OPHN1: variants seen among roughly 807,000 people sequenced by gnomAD.
The protein encoded by OPHN1 is oligophrenin 1.
In OPHN1, 11 loss-of-function variants were observed where a neutral mutation model predicts 60.7. The observed-to-expected ratio is 0.18, with a 90% CI of 0.11 to 0.30. The LOEUF is 0.30. Among genes scored for constraint, OPHN1 ranks in the 10% least tolerant of loss-of-function variants. The pLI is 1.00. For synonymous variants in OPHN1, 226 were observed against 222.6 expected (o/e 1.02, Z -0.14); for missense variants, 449 against 611.0 (o/e 0.73, Z 2.80).
intron 6 of OPHN1, among the ~76,000 whole-genome samples, chrX:68,228,259 A>G (rs199803019): frequency 2.1e-5 from 2 of 95,508 alleles, no homozygotes; most frequent in African/African-American, 3.6e-5. Context: ...AATTGAGGCA[A>G]TAATTAATAG....
intron 3 of OPHN1, among the ~76,000 whole-genome samples, chrX:68,283,815 A>T (rs1298666254): frequency 8.9e-6 from 1 of 112,280 alleles, no homozygotes; most frequent in African/African-American, 3.2e-5. Context: ...TAATATTTTT[A>T]ATCAAAAATT....
intron 6 of OPHN1, among the ~76,000 whole-genome samples, chrX:68,229,943 C>T (rs1469982718): frequency 8.9e-6 from 1 of 111,880 alleles, no homozygotes; most frequent in Non-Finnish European, 1.9e-5. Context: ...AGCTTCTGCA[C>T]AGCAAAAGAA....
intron 2 of OPHN1, among the ~76,000 whole-genome samples, chrX:68,378,111 A>T (rs2078571133): frequency 9.0e-6 from 1 of 111,697 alleles, no homozygotes; most frequent in Non-Finnish European, 1.9e-5. Context: ...TGACTTTTTA[A>T]TGATTGCCAT....
intron 5 of OPHN1, among the ~76,000 whole-genome samples, chrX:68,241,228 T>C (rs772960960): frequency 9.8e-5 from 11 of 111,962 alleles, no homozygotes; most frequent in African/African-American, 3.6e-4. Flanking sequence ...ACTTATTGTA[T>C]TGTTAAGATT....
intron 2 of OPHN1, among the ~76,000 whole-genome samples, chrX:68,362,567 T>C (rs1290597794): frequency 9.0e-6 from 1 of 111,376 alleles, no homozygotes; most frequent in African/African-American, 3.3e-5. Flanking sequence ...ATTAGCTTGA[T>C]TTAGCCGTTC....
At chrX:68,216,189 G>A (rs1221431223) in intron 6 of OPHN1, among the ~76,000 whole-genome samples, 2 of 111,206 alleles carry the variant, frequency 1.8e-5, no homozygotes, top group African/African-American at 6.5e-5. Context: ...AACCACAAAT[G>A]CATATTGCAA....
At chrX:68,220,155 C>A (rs1319039185) in intron 6 of OPHN1, among the ~76,000 whole-genome samples, 170 of 106,233 alleles carry the variant, frequency 1.6e-3, no homozygotes, top group Admixed American at 1.8e-3. Context: ...ACAAACACCT[C>A]TACGCAAATA....
chrX:68,318,632 G>A (rs2078220708), intron 2 of OPHN1, among the ~76,000 whole-genome samples: 3 of 111,735 alleles, frequency 2.7e-5, no homozygotes. Flanking sequence ...ATAATAGTAT[G>A]GTACATGTGT....
At chrX:68,313,227 T>G (rs1968216617) in intron 2 of OPHN1, among the ~76,000 whole-genome samples, 1 of 112,039 alleles carries the variant, frequency 8.9e-6, no homozygotes, top group East Asian at 2.8e-4. Flanking sequence ...GGTGGGAATG[T>G]AAATTAGTAC....
chrX:68,406,776 C>T (rs760476390), intron 2 of OPHN1, among the ~76,000 whole-genome samples: 18 of 112,391 alleles, frequency 1.6e-4, no homozygotes, highest in African/African-American at 5.8e-4. Flanking sequence ...TAATCAGAGA[C>T]AGAATAAGAC....
intron 10 of OPHN1, among the ~76,000 whole-genome samples, chrX:68,202,763 G>T (rs1369868951): frequency 9.1e-6 from 1 of 110,036 alleles, no homozygotes; most frequent in African/African-American, 3.3e-5. Flanking sequence ...CCAAAGTGCT[G>T]GGATTACAGG....
At chrX:68,111,755 G>T (rs1029490421) in intron 18 of OPHN1, 99 bp downstream of exon 18, 3 of 599,799 alleles carry the variant, frequency 5.0e-6, no homozygotes, top group Non-Finnish European at 8.6e-6. Context: ...GCACTTAAGG[G>T]CTGGGGCTGA....
intron 2 of OPHN1, among the ~76,000 whole-genome samples, chrX:68,311,256 A>T (rs1437652422): frequency 1.8e-5 from 2 of 111,647 alleles, no homozygotes; most frequent in East Asian, 5.6e-4. Flanking sequence ...AGGCTAGGCA[A>T]CAGAGCAAGA....
chrX:68,119,587 T>C (rs1351875382), intron 15 of OPHN1, among the ~76,000 whole-genome samples: 2 of 111,699 alleles, frequency 1.8e-5, no homozygotes, highest in Admixed American at 9.5e-5. Flanking sequence ...CTTAGATTCA[T>C]CAGATAACTG....
intron 3 of OPHN1, among the ~76,000 whole-genome samples, chrX:68,287,503 C>G (rs1468757055): frequency 9.2e-6 from 1 of 108,431 alleles, no homozygotes; most frequent in Non-Finnish European, 1.9e-5. Flanking sequence ...AGAAAATGCG[C>G]TAGTAAAACA....
chrX:68,259,045 A>G (rs138667349), intron 5 of OPHN1, among the ~76,000 whole-genome samples: 2,965 of 111,842 alleles, frequency 0.027, 116 homozygotes, highest in African/African-American at 0.092. Context: ...TAGAAATTCT[A>G]TTTCTAAGTA....
At chrX:68,316,671 T>G (rs1298297295) in intron 2 of OPHN1, among the ~76,000 whole-genome samples, 1 of 111,492 alleles carries the variant, frequency 9.0e-6, no homozygotes, top group Non-Finnish European at 1.9e-5. Flanking sequence ...CAAGTCCTTA[T>G]GACACCTCCA....
chrX:68,190,825 T>C (rs978783622), intron 15 of OPHN1, among the ~76,000 whole-genome samples: 3 of 112,363 alleles, frequency 2.7e-5, no homozygotes, highest in Admixed American at 9.4e-5. Context: ...GATTTACATA[T>C]GAAAAAGTGT....
At chrX:68,056,706 G>T (rs979698458) in intron 21 of OPHN1, among the ~76,000 whole-genome samples, 19 of 111,219 alleles carry the variant, frequency 1.7e-4, no homozygotes, top group Non-Finnish European at 2.8e-4. Flanking sequence ...TGAGAGAGAT[G>T]AATAAATAGG....
Sources: gnomAD v4.1 joint callset for allele counts (sites outside exome capture counted in the v4.1 genomes callset) on GRCh38, gnomAD v4.1.1 for gene constraint, MANE v1.5 for transcripts, NCBI Gene and HGNC (gene_info 2026-07-23, HGNC 2026-07-21) for gene names.